AHCYL2: variants seen among roughly 807,000 people sequenced by gnomAD.
AHCYL2 encodes the protein S-adenosylhomocysteine hydrolase-like protein 2.
In AHCYL2, 28 loss-of-function variants were observed where a neutral mutation model predicts 81.4. The ratio of observed to expected loss-of-function variants is 0.34; its 90% CI spans 0.25 to 0.47. The LOEUF is 0.47. Ranked by LOEUF, AHCYL2 falls within the 20% of genes least tolerant of loss-of-function variation. The probability of loss-of-function intolerance (pLI) is 1.00; values close to 1 mark genes in which losing one functional copy is unlikely to be tolerated. For missense variants in AHCYL2, 551 were observed against 785.1 expected (o/e 0.70, Z 3.56); for synonymous variants, 272 against 290.2 (o/e 0.94, Z 0.64).
intron 1 of AHCYL2, among the ~76,000 whole-genome samples, chr7:129,367,901 C>T (rs1794185851): frequency 6.6e-6 from 1 of 152,144 alleles, no homozygotes; most frequent in African/African-American, 2.4e-5. Context: ...GGTGCCAGAC[C>T]CCTGGTGTGA....
intron 1 of AHCYL2, among the ~76,000 whole-genome samples, chr7:129,256,982 C>T (rs1257558344): frequency 6.6e-6 from 1 of 151,818 alleles, no homozygotes; most frequent in Non-Finnish European, 1.5e-5. Flanking sequence ...GCATAGATAA[C>T]CCCCTTTTGT....
intron 1 of AHCYL2, among the ~76,000 whole-genome samples, chr7:129,371,561 T>G (rs1003613655): frequency 2.6e-5 from 4 of 152,260 alleles, no homozygotes; most frequent in African/African-American, 9.6e-5. Flanking sequence ...TTAGCCCTGT[T>G]CAGACAGCTT....
chr7:129,427,998 T>G lies in AHCYL2; in HGVS notation c.*953T>G, dbSNP rs1002459257. The G allele has an allele frequency of 2.6e-5, 4 of 152,196 alleles. No homozygotes were observed. The highest frequency in any genetic ancestry group is 4.4e-5 in the Non-Finnish European group (3 of 68,016). The allele number at this position is 152,196 out of a possible 1,614,324, so 9.4% of individuals were successfully genotyped here. A position where few individuals can be genotyped will look rare whatever the true frequency, so the allele number is the denominator to read the frequency against. On this transcript the variant is annotated 3_prime_UTR_variant, in exon 17 of 17. Transcript: ENST00000325006. This position sits in a 1 kb window ranked among gnomAD's most constrained non-coding sequence, Gnocchi z 5.5. ...GGGAAAGGCATACTTTTCCAGGGAC[T>G]TAGGGGGATAGGCTTTGGAAATGGG... is the stretch of plus-strand genomic sequence containing the variant.
At chr7:129,402,219 G>A (rs1796071676) in intron 6 of AHCYL2, among the ~76,000 whole-genome samples, 1 of 152,132 alleles carries the variant, frequency 6.6e-6, no homozygotes, top group African/African-American at 2.4e-5. Context: ...ATCTGTTCTG[G>A]GGGTTTCTAC....
At chr7:129,273,390 A>G (rs577338961) in intron 1 of AHCYL2, among the ~76,000 whole-genome samples, 26 of 117,442 alleles carry the variant, frequency 2.2e-4, no homozygotes, top group Non-Finnish European at 3.7e-4. Context: ...GTGCAATGGC[A>G]TGATCTTGGC....
chr7:129,283,228 C>T (rs1796512422), intron 1 of AHCYL2, among the ~76,000 whole-genome samples: 1 of 152,154 alleles, frequency 6.6e-6, no homozygotes, highest in South Asian at 2.1e-4. Flanking sequence ...TAGCCCTGGG[C>T]TCTACTTGGG....
rs1362013573 is a variant in AHCYL2 at position 129,368,853 on chromosome 7, G to A, written c.364-10785G>A. Among the ~76,000 whole-genome samples the A allele has an allele frequency of 6.6e-6, 1 of 152,124 alleles. No individual in the cohort carries two copies. The highest frequency in any genetic ancestry group is 1.5e-5 in the Non-Finnish European group (1 of 68,026). On this transcript the variant is annotated intron_variant, in intron 1 of 16. Coordinates refer to ENST00000325006, the MANE Select transcript of AHCYL2 (RefSeq NM_015328.4). This position sits in a 1 kb window ranked among gnomAD's most constrained non-coding sequence, Gnocchi z 4.4. The stretch of plus-strand genomic sequence containing the variant: ...TGTATGGGTTGTGTTTCCTGTGACT[G>A]TTTTGCACTTCTGTTTTCAACCTGA...
chr7:129,395,899 T>G (rs536663785), intron 4 of AHCYL2, among the ~76,000 whole-genome samples: 2 of 152,292 alleles, frequency 1.3e-5, no homozygotes, highest in East Asian at 1.9e-4. Flanking sequence ...TGATATTTTC[T>G]TATTCTTATC....
At chr7:129,423,459 C>G (rs1451205644) in intron 13 of AHCYL2, among the ~76,000 whole-genome samples, 1 of 152,188 alleles carries the variant, frequency 6.6e-6, no homozygotes, top group Non-Finnish European at 1.5e-5. Context: ...ATCCTAGCTC[C>G]TAGCTCACAT....
chr7:129,267,043 C>T (rs1452532181), intron 1 of AHCYL2, among the ~76,000 whole-genome samples: 1 of 151,344 alleles, frequency 6.6e-6, no homozygotes, highest in Non-Finnish European at 1.5e-5. Flanking sequence ...TACTAAGCAG[C>T]CATCAGAAAT....
chr7:129,276,171 C>T (rs1034584507), intron 1 of AHCYL2, among the ~76,000 whole-genome samples: 1 of 151,232 alleles, frequency 6.6e-6, no homozygotes, highest in Non-Finnish European at 1.5e-5. Context: ...TAAGTAAAGC[C>T]GAATGATAAT....
intron 2 of AHCYL2, among the ~76,000 whole-genome samples, chr7:129,383,111 C>T (rs918185148): frequency 8.6e-5 from 13 of 151,896 alleles, no homozygotes; most frequent in African/African-American, 2.7e-4. Context: ...TTCATATATA[C>T]AACTGCCTGC....
chr7:129,362,515 C>A (rs748052413), intron 1 of AHCYL2, among the ~76,000 whole-genome samples: 6 of 150,764 alleles, frequency 4.0e-5, no homozygotes, highest in Non-Finnish European at 8.8e-5. Flanking sequence ...CCACATTGAG[C>A]TTTGAACTCA....
At chr7:129,262,465 AGAG>A (rs1795676358) in intron 1 of AHCYL2, among the ~76,000 whole-genome samples, 1 of 152,232 alleles carries the variant, frequency 6.6e-6, no homozygotes, top group Admixed American at 6.5e-5. Flanking sequence ...AAGGTGAAGC[AGAG>A]GACATGAAAA....
chr7:129,241,897 T>C (rs563431109), intron 1 of AHCYL2, among the ~76,000 whole-genome samples: 1 of 152,024 alleles, frequency 6.6e-6, no homozygotes, highest in Admixed American at 6.6e-5. Flanking sequence ...AAAAGAACTC[T>C]GTGTATTCCT....
rs1428225794 is a variant in AHCYL2 at position 129,368,290 on chromosome 7, G to A, written c.364-11348G>A. 4.9e-6 allele frequency: 7 copies of A among 1,419,100 alleles called. No individual in the cohort carries two copies. The highest frequency in any genetic ancestry group is 4.6e-6 in the Non-Finnish European group (5 of 1,087,546). The allele number at this position is 1,419,100 out of a possible 1,614,324, so 87.9% of individuals were successfully genotyped here. ...ATCAGACACAGAAGGCTTTGAAGCC[G>A]GCCAGTAAGGGGTTGTCAGGCAGTT... On this transcript the variant is annotated intron_variant, in intron 1 of 16. Transcript: ENST00000325006. This position sits in a 1 kb window ranked among gnomAD's most constrained non-coding sequence, Gnocchi z 4.4.
chr7:129,226,486 TG>T (rs1310044703), intron 1 of AHCYL2, among the ~76,000 whole-genome samples: 5 of 152,312 alleles, frequency 3.3e-5, no homozygotes, highest in South Asian at 2.1e-4. Context: ...CAGGGATTAA[TG>T]TTTTTTTTAA....
At chr7:129,318,951 G>A (rs889372321) in intron 1 of AHCYL2, among the ~76,000 whole-genome samples, 22 of 151,842 alleles carry the variant, frequency 1.4e-4, no homozygotes, top group Admixed American at 4.6e-4. Flanking sequence ...GTAGGGGATG[G>A]TGGCATGGCA....
At chr7:129,240,854 A>C (rs1794825702) in intron 1 of AHCYL2, among the ~76,000 whole-genome samples, 1 of 152,120 alleles carries the variant, frequency 6.6e-6, no homozygotes. Flanking sequence ...TGTAGGGGGA[A>C]GATTATGTAT....
Sources: gnomAD v4.1 joint callset for allele counts (sites outside exome capture counted in the v4.1 genomes callset) on GRCh38, gnomAD v4.1.1 for gene constraint, Gnocchi (gnomAD v3.1) non-coding constraint, MANE v1.5 for transcripts, NCBI Gene and HGNC (gene_info 2026-07-23, HGNC 2026-07-21) for gene names.